Variants in FHIT observed in about 807,000 individuals in gnomAD.
The protein encoded by FHIT is fragile histidine triad diadenosine triphosphatase, also known as bis(5'-adenosyl)-triphosphatase.
Under a neutral mutation model 17.9 loss-of-function variants are expected in FHIT, and 19 were observed. That is an observed-to-expected ratio of 1.06 (90% CI 0.74 to 1.56). The LOEUF is 1.56. Among genes scored for constraint, FHIT ranks in the 40% most tolerant of loss-of-function variants. The pLI is 0.00. For missense variants in FHIT, 248 were observed against 189.2 expected, an observed-to-expected ratio of 1.31 and a Z score of -1.82; for synonymous variants, 81 against 69.7, an observed-to-expected ratio of 1.16 and a Z score of -0.81.
chr3:60,494,407 A>G (rs747496470), intron 5 of FHIT, among the ~76,000 whole-genome samples: 7 of 147,662 alleles, frequency 4.7e-5, no homozygotes, highest in Non-Finnish European at 1.0e-4. Context: ...TGCAATGTGT[A>G]ATAATCACAT....
At position 59,877,599 on chromosome 3, in the gene FHIT, A is replaced by G. The variant is rs536235545; in HGVS notation, c.348+44747T>C. On this transcript the variant is annotated intron_variant, in intron 8 of 9. Transcript: ENST00000492590. ...GAGGAGGTCATTTAAGACATTGACC[A>G]TGTTCAGACATGCAGAGTAGAGGCT... Among the ~76,000 whole-genome samples the G allele has an allele frequency of 4.9e-4, 74 of 152,376 alleles. 1 individual carries two copies. The highest frequency in any genetic ancestry group is 1.6e-3 in the Admixed American group (24 of 15,308).
At chr3:60,039,286 G>C (rs564509472) in intron 5 of FHIT, among the ~76,000 whole-genome samples, 1 of 152,238 alleles carries the variant, frequency 6.6e-6, no homozygotes, top group South Asian at 2.1e-4. Flanking sequence ...AACTCATTTG[G>C]CCTTACTTCT....
intron 4 of FHIT, among the ~76,000 whole-genome samples, chr3:60,604,681 G>A (rs1220417986): frequency 6.6e-6 from 1 of 152,028 alleles, no homozygotes; most frequent in Non-Finnish European, 1.5e-5. Flanking sequence ...CATGAAATGG[G>A]AAAAAAACCG....
intron 5 of FHIT, among the ~76,000 whole-genome samples, chr3:60,130,299 T>A (rs989255768): frequency 6.6e-6 from 1 of 152,224 alleles, no homozygotes; most frequent in Admixed American, 6.5e-5. Context: ...AATTCTGAAA[T>A]GTTCACTATT....
chr3:60,296,516 G>A (rs928753216), intron 5 of FHIT, among the ~76,000 whole-genome samples: 2 of 151,978 alleles, frequency 1.3e-5, no homozygotes, highest in Admixed American at 1.3e-4. Flanking sequence ...TTTTGTTGTT[G>A]TTGAGTTTTG....
intron 5 of FHIT, among the ~76,000 whole-genome samples, chr3:60,398,721 C>A (rs901652631): frequency 6.6e-6 from 1 of 151,786 alleles, no homozygotes; most frequent in African/African-American, 2.4e-5. Context: ...ACCATATTAC[C>A]CAATAATCCA....
chr3:60,920,870 A>T (rs1553768169), intron 3 of FHIT, among the ~76,000 whole-genome samples: 3 of 152,246 alleles, frequency 2.0e-5, no homozygotes, highest in Non-Finnish European at 2.9e-5. Context: ...ACAGGGAGGC[A>T]TTAGAGAGTT....
At chr3:60,154,020 CAG>C (rs1438811360) in intron 5 of FHIT, among the ~76,000 whole-genome samples, 1 of 152,142 alleles carries the variant, frequency 6.6e-6, no homozygotes, top group African/African-American at 2.4e-5. Context: ...AGGAAACAAA[CAG>C]GGGCACTAAT....
At chr3:60,100,700 C>T (rs759386101) in intron 5 of FHIT, among the ~76,000 whole-genome samples, 5 of 152,086 alleles carry the variant, frequency 3.3e-5, no homozygotes, top group Non-Finnish European at 7.4e-5. Context: ...AGCTTAAAAC[C>T]AGAGTGAATT....
chr3:61,212,126 C>A (rs759780807), intron 1 of FHIT, among the ~76,000 whole-genome samples: 10 of 152,240 alleles, frequency 6.6e-5, no homozygotes, highest in Non-Finnish European at 1.3e-4. Context: ...CAGTTCCTCA[C>A]CAGCAACGGA....
intron 4 of FHIT, among the ~76,000 whole-genome samples, chr3:60,703,350 T>C (rs1469521658): frequency 6.6e-6 from 1 of 152,202 alleles, no homozygotes. Context: ...TAAATGTCTG[T>C]TATTTTAAGC....
intron 8 of FHIT, among the ~76,000 whole-genome samples, chr3:59,826,432 A>T (rs968854813): frequency 6.6e-6 from 1 of 152,112 alleles, no homozygotes; most frequent in Middle Eastern, 3.2e-3. Context: ...TATATATTGT[A>T]CTTATTTACT....
chr3:60,460,020 A>G (rs1225593591), intron 5 of FHIT, among the ~76,000 whole-genome samples: 1 of 152,138 alleles, frequency 6.6e-6, no homozygotes, highest in Non-Finnish European at 1.5e-5. Flanking sequence ...TAAAATAGCC[A>G]AAGGTCAAAA....
intron 5 of FHIT, among the ~76,000 whole-genome samples, chr3:60,337,990 A>G (rs934978275): frequency 2.0e-5 from 3 of 152,138 alleles, no homozygotes; most frequent in South Asian, 2.1e-4. Context: ...CGAACACCCA[A>G]GTTTCCATTT....
chr3:59,869,917 C>T (rs1702843456), intron 8 of FHIT, among the ~76,000 whole-genome samples: 1 of 152,136 alleles, frequency 6.6e-6, no homozygotes, highest in Admixed American at 6.5e-5. Flanking sequence ...TTGAATTCTT[C>T]TTCTGCAGTA....
chr3:60,008,952 G>T (rs1237603530), intron 7 of FHIT, among the ~76,000 whole-genome samples: 1 of 152,138 alleles, frequency 6.6e-6, no homozygotes, highest in Non-Finnish European at 1.5e-5. Flanking sequence ...TGTTAATAAT[G>T]AAGATTCCCA....
chr3:59,872,241 A>G (rs926919839), intron 8 of FHIT, among the ~76,000 whole-genome samples: 11 of 152,286 alleles, frequency 7.2e-5, no homozygotes, highest in African/African-American at 2.4e-4. Context: ...CAGTACTAAA[A>G]CATCACCTCA....
intron 4 of FHIT, among the ~76,000 whole-genome samples, chr3:60,651,570 A>G (rs2856078): frequency 0.53 from 79,680 of 151,702 alleles, 21,800 homozygotes; most frequent in Non-Finnish European, 0.6. Context: ...TAAATAATGA[A>G]TTTTTAAAAT....
At chr3:60,764,663 G>A (rs939276524) in intron 4 of FHIT, among the ~76,000 whole-genome samples, 1 of 151,932 alleles carries the variant, frequency 6.6e-6, no homozygotes, top group African/African-American at 2.4e-5. Context: ...CACTCTGTAA[G>A]ATATTTATAA....
Sources: allele counts gnomAD v4.1 joint callset (sites outside exome capture counted in the v4.1 genomes callset), GRCh38; gene constraint gnomAD v4.1.1; transcripts MANE v1.5; gene names NCBI Gene and HGNC (gene_info 2026-07-23, HGNC 2026-07-21).